TRIM65: variants seen among roughly 807,000 people sequenced by gnomAD.
The protein encoded by TRIM65 is tripartite motif containing 65.
Under a neutral mutation model 36.1 loss-of-function variants are expected in TRIM65, and 46 were observed. The observed-to-expected ratio is 1.27, with a 90% CI of 1.01 to 1.63. The LOEUF (loss-of-function observed/expected upper bound fraction) is 1.63, where lower values mean the gene tolerates loss of function less well. Ranked by LOEUF, TRIM65 falls within the 40% of genes most tolerant of loss-of-function variation. The pLI is 0.00. For missense variants in TRIM65, 708 were observed against 696.6 expected (o/e 1.02, Z -0.18); for synonymous variants, 346 against 313.6 (o/e 1.10, Z -1.09).
At chr17:75,895,022 G>A (rs868145578) in intron 1 of TRIM65, among the ~76,000 whole-genome samples, 3 of 152,172 alleles carry the variant, frequency 2.0e-5, no homozygotes, top group African/African-American at 7.2e-5. Context: ...CCACAGGCCC[G>A]TCCCCTGGTT....
At chr17:75,896,052 ATTTT>A (rs2065341790) in intron 1 of TRIM65, among the ~76,000 whole-genome samples, 1 of 151,944 alleles carries the variant, frequency 6.6e-6, no homozygotes, top group African/African-American at 2.4e-5. Context: ...CAGACCCACG[ATTTT>A]TTGTTTGTTT....
At chr17:75,896,383 G>C (rs2065346640) in intron 1 of TRIM65, 141 bp downstream of exon 1, 2 of 1,187,790 alleles carry the variant, frequency 1.7e-6, no homozygotes, top group Non-Finnish European at 2.1e-6. Flanking sequence ...TCAGCTCCCA[G>C]GTTGGGAGAA....
rs745690858 is a variant in TRIM65 at position 75,892,856 on chromosome 17, G to A, written c.415-6C>T. ...AGGCTGGCTCTCAGCTGGGCCTGTG[G>A]TGCGGGCCCACGGGACAAGCAACAA... On this transcript the variant is annotated splice_region_variant and splice_polypyrimidine_tract_variant and intron_variant, in intron 1 of 5. Coordinates refer to ENST00000269383, the MANE Select transcript of TRIM65 (RefSeq NM_173547.4). 6.9e-6 allele frequency: 11 copies of A among 1,600,666 alleles called. No homozygotes were observed. Among genetic ancestry groups the A allele is most frequent in the Middle Eastern group, 1.6e-4 (1 of 6,072 alleles).
chr17:75,895,737 T>TGAGG (rs1418645656), intron 1 of TRIM65, among the ~76,000 whole-genome samples: 3 of 152,214 alleles, frequency 2.0e-5, no homozygotes, highest in Admixed American at 6.5e-5. Flanking sequence ...CTGCATTTTG[T>TGAGG]AATAATACAT....
intron 4 of TRIM65, among the ~76,000 whole-genome samples, chr17:75,881,829 G>A (rs756747348): frequency 1.3e-4 from 19 of 150,682 alleles, no homozygotes; most frequent in Non-Finnish European, 2.2e-4. Flanking sequence ...AGACCTTCCG[G>A]GCAGAGGGAG....
downstream of TRIM65, among the ~76,000 whole-genome samples, chr17:75,885,544 C>T (rs2065200810): frequency 6.6e-6 from 1 of 152,248 alleles, no homozygotes; most frequent in South Asian, 2.1e-4. Context: ...CGCGCCCAGC[C>T]AGCTTGTTTG....
chr17:75,896,581 C>T lies in TRIM65; in HGVS notation c.357G>A (p.Val119=). The T allele has an allele frequency of 2.2e-6, 3 of 1,360,064 alleles. No homozygotes were observed. The highest frequency in any genetic ancestry group is 1.5e-5 in the African/African-American group (1 of 65,506). The allele number at this position is 1,360,064 out of a possible 1,614,324, so 84.2% of individuals were successfully genotyped here. The change falls in exon 1 of 6, where the codon GTG becomes GTA. Residue 119 remains valine (V), a synonymous_variant. Transcript: ENST00000269383. ...CCCGCTCGTGGAGGCGACACTCGCG[C>T]ACGGTGCACACGCTGCACACACAGC... is the stretch of plus-strand genomic sequence containing the variant. ...EGRCVCSVCT[V]RECRLHERAL... is the part of the protein sequence containing the mutation.
intron 4 of TRIM65, among the ~76,000 whole-genome samples, chr17:75,883,793 CT>C (rs1471967537): frequency 2.0e-5 from 3 of 152,104 alleles, no homozygotes; most frequent in Admixed American, 6.6e-5. Context: ...TCCCAAAGTG[CT>C]GGGATTACAG....
At position 75,896,571 on chromosome 17, in the gene TRIM65, G is replaced by C. The variant is rs1434242384; in HGVS notation, c.367C>G (p.Arg123Gly). 1 of 1,361,858 alleles carries C rather than the reference G, an allele frequency of 7.3e-7. No individual in the cohort carries two copies. The highest frequency in any genetic ancestry group is 3.1e-5 in the East Asian group (1 of 32,362). 84.4% of individuals were successfully genotyped at this position (1,361,858 alleles called of 1,614,324 possible). ...TCCAGCAGCGCCCGCTCGTGGAGGC[G>C]ACACTCGCGCACGGTGCACACGCTG... ...VCSVCTVREC[R>G]LHERALLDAE... is the part of the protein sequence containing the mutation. The change falls in exon 1 of 6, where the codon CGC becomes GGC. Residue 123 changes from arginine to glycine, a missense_variant. Arg to Gly is a moderately radical substitution (Grantham distance 125, BLOSUM62 -2). Coordinates refer to ENST00000269383, the MANE Select transcript of TRIM65 (RefSeq NM_173547.4).
At position 75,896,939 on chromosome 17, in the gene TRIM65, G is replaced by C. The variant is rs1200384366; in HGVS notation, c.-2C>G. ...CTCCTCCAGCAGCTGCGCGGCCATGGCCCGGCGGCGGCGAGAGCCAGGCGG... is the reference window on the plus strand; with the variant it reads ...CTCCTCCAGCAGCTGCGCGGCCATGCCCCGGCGGCGGCGAGAGCCAGGCGG... On this transcript the variant is annotated 5_prime_UTR_variant, in exon 1 of 6. Transcript: ENST00000269383. The C allele has an allele frequency of 6.7e-6, 10 of 1,489,240 alleles. No homozygotes were observed. The highest frequency in any genetic ancestry group is 1.5e-5 in the African/African-American group (1 of 68,888). The allele number at this position is 1,489,240 out of a possible 1,614,324, so 92.3% of individuals were successfully genotyped here. A position where few individuals can be genotyped will look rare whatever the true frequency, so the allele number is the denominator to read the frequency against.
At chr17:75,883,534 T>TC (rs2065183184) in intron 4 of TRIM65, among the ~76,000 whole-genome samples, 1 of 144,808 alleles carries the variant, frequency 6.9e-6, no homozygotes, top group Non-Finnish European at 1.5e-5. Flanking sequence ...AAGTTTTTTT[T>TC]TTTTTTTTTT....
Position 75,890,884 on chromosome 17 carries a change from CTGGT to C in TRIM65, c.1445_1448del (p.Asn482SerfsTer15), listed in dbSNP as rs2065254632. On this transcript the variant is annotated frameshift_variant, in exon 6 of 6. Coordinates refer to ENST00000269383, the MANE Select transcript of TRIM65 (RefSeq NM_173547.4). LOFTEE classifies it high-confidence loss of function. Reference sequence around the variant, plus strand: ...GGAGCCAGAAGACGGGGGTGAGGGGCTGGTTGAAGAGGGCATGGAAGGTGTACAG... The same window carrying C: ...GGAGCCAGAAGACGGGGGTGAGGGGCTGAAGAGGGCATGGAAGGTGTACAG... 1.3e-6 allele frequency: 2 copies of C among 1,531,734 alleles called. No individual in the cohort carries two copies. The highest frequency in any genetic ancestry group is 1.8e-6 in the Non-Finnish European group (2 of 1,142,848). 94.9% of individuals were successfully genotyped at this position (1,531,734 alleles called of 1,614,324 possible).
intron 4 of TRIM65, among the ~76,000 whole-genome samples, chr17:75,883,108 C>T (rs1205521010): frequency 6.7e-6 from 1 of 148,772 alleles, no homozygotes; most frequent in East Asian, 1.9e-4. Context: ...ACAGCACTTC[C>T]TTTTCTTTAT....
At chr17:75,887,922 A>C (rs1340784920), downstream of TRIM65, among the ~76,000 whole-genome samples, 1 of 151,942 alleles carries the variant, frequency 6.6e-6, no homozygotes, top group Non-Finnish European at 1.5e-5. Flanking sequence ...TTGAGAGGCC[A>C]AGGTGGGTGG....
chr17:75,886,117 G>T (rs576628103), downstream of TRIM65, among the ~76,000 whole-genome samples: 4 of 152,284 alleles, frequency 2.6e-5, no homozygotes, highest in African/African-American at 9.6e-5. Context: ...CAGTTCGCCT[G>T]CACACGCTTT....
chr17:75,891,761 C>T, intron 5 of TRIM65, 52 bp downstream of exon 5: 1 of 1,566,730 alleles, frequency 6.4e-7, no homozygotes, highest in Non-Finnish European at 8.7e-7. Flanking sequence ...CACACAGGCA[C>T]TTCCTTGCAC....
At position 75,891,884 on chromosome 17, in the gene TRIM65, G is replaced by C; in HGVS notation, c.920-6C>G. 2.5e-6 allele frequency: 4 copies of C among 1,610,084 alleles called. No individual in the cohort carries two copies. Among genetic ancestry groups the C allele is most frequent in the South Asian group, 2.2e-5 (2 of 90,442 alleles). The stretch of plus-strand genomic sequence containing the variant: ...TGCCAGGGGACCTGGGGCCTCTAGG[G>C]GGCAAAGCAGTGTTAAGGGAATGGT... On this transcript the variant is annotated splice_polypyrimidine_tract_variant and splice_region_variant and intron_variant, in intron 4 of 5. Transcript: ENST00000269383.
At chr17:75,879,903 G>A (rs1401674379), downstream of TRIM65, among the ~76,000 whole-genome samples, 1 of 150,528 alleles carries the variant, frequency 6.6e-6, no homozygotes, top group Non-Finnish European at 1.5e-5. Flanking sequence ...ACAGGCGCCC[G>A]CCACCACATT....
At position 75,891,835 on chromosome 17, in the gene TRIM65, T is replaced by C. The variant is rs148765547; in HGVS notation, c.963A>G (p.Pro321=). The C allele has an allele frequency of 6.0e-4, 972 of 1,612,570 alleles. 9 individuals carry two copies. The African/African-American group carries it at 0.011, about 19-fold the overall frequency. Residue 321 remains proline (P), a synonymous_variant, in exon 5 of 6, where the codon CCA becomes CCG. Coordinates refer to ENST00000269383, the MANE Select transcript of TRIM65 (RefSeq NM_173547.4). ...PLAPVPSTVC[P]LRRKLWQNYR... is the part of the protein sequence containing the mutation. ...TACTCTGCCAGAGTTTCCTCCTCAG[T>C]GGACAAACTGTGCTTGGGACCGGTG...
Sources: gnomAD v4.1 joint callset for allele counts (sites outside exome capture counted in the v4.1 genomes callset) on GRCh38, gnomAD v4.1.1 for gene constraint, MANE v1.5 for transcripts, NCBI Gene and HGNC (gene_info 2026-07-23, HGNC 2026-07-21) for gene names.